The following FOXN3 variants were observed in gnomAD, a reference collection of about 807,000 sequenced individuals.
FOXN3 encodes forkhead box protein N3.
A neutral mutation model predicts 38.4 loss-of-function variants in FOXN3; 7 were observed. That is an observed-to-expected ratio of 0.18 (90% CI 0.10 to 0.34). The LOEUF (loss-of-function observed/expected upper bound fraction) is 0.34. FOXN3 is among the 10% of genes least tolerant of loss of function. FOXN3 has a pLI of 1.00. For missense variants in FOXN3, 456 were observed against 613.4 expected (o/e 0.74, Z 2.71); for synonymous variants, 230 against 242.2 (o/e 0.95, Z 0.47).
chr14:89,401,588 G>A, intron 2 of FOXN3: 1 of 456,020 alleles, frequency 2.2e-6, no homozygotes, highest in Non-Finnish European at 4.4e-6. Flanking sequence ...CAGGCTCCCT[G>A]TACCTTGATT....
At chr14:89,337,909 C>T (rs1888511491) in intron 3 of FOXN3, among the ~76,000 whole-genome samples, 1 of 152,140 alleles carries the variant, frequency 6.6e-6, no homozygotes, top group Non-Finnish European at 1.5e-5. Flanking sequence ...GGGTTACAGG[C>T]GTGAGCCACC....
At chr14:89,247,840 T>C (rs1053836424) in intron 4 of FOXN3, among the ~76,000 whole-genome samples, 11 of 152,244 alleles carry the variant, frequency 7.2e-5, no homozygotes, top group African/African-American at 2.7e-4. Context: ...CTTACAGTGA[T>C]CTGGCCTCTG....
chr14:89,214,276 C>G (rs74890373), intron 4 of FOXN3, among the ~76,000 whole-genome samples: 2,734 of 152,278 alleles, frequency 0.018, 80 homozygotes, highest in African/African-American at 0.062. Flanking sequence ...CAGCTCCACC[C>G]GATGTTGAAA....
intron 1 of FOXN3, among the ~76,000 whole-genome samples, chr14:89,602,169 G>C (rs1596329882): frequency 6.6e-6 from 1 of 152,032 alleles, no homozygotes; most frequent in Middle Eastern, 3.4e-3. Context: ...CACACCTGTG[G>C]TCCCAGCTAT....
At chr14:89,524,674 C>G in intron 1 of FOXN3, among the ~76,000 whole-genome samples, 1 of 151,928 alleles carries the variant, frequency 6.6e-6, no homozygotes, top group Middle Eastern at 3.2e-3. Context: ...TTATCAACAA[C>G]TTTATGCCAA....
At chr14:89,390,486 T>G (rs1890912851) in intron 2 of FOXN3, among the ~76,000 whole-genome samples, 1 of 141,812 alleles carries the variant, frequency 7.1e-6, no homozygotes, top group African/African-American at 2.6e-5. Flanking sequence ...TCTAAGCTGC[T>G]TTTTAAAAAA....
chr14:89,585,858 G>A (rs1232471270), intron 1 of FOXN3, among the ~76,000 whole-genome samples: 2 of 152,056 alleles, frequency 1.3e-5, no homozygotes, highest in Admixed American at 1.3e-4. Flanking sequence ...AAGAGCGTTT[G>A]GCAAAAAGAA....
chr14:89,591,725 C>T (rs775825214), intron 1 of FOXN3, among the ~76,000 whole-genome samples: 93 of 152,084 alleles, frequency 6.1e-4, no homozygotes, highest in Non-Finnish European at 1.1e-3. Flanking sequence ...AGGAGTTCAA[C>T]GCCGGCCTGG....
At chr14:89,290,229 C>G (rs1417077959) in intron 3 of FOXN3, 5 of 296,046 alleles carry the variant, frequency 1.7e-5, no homozygotes, top group Non-Finnish European at 2.7e-5. Flanking sequence ...CCATCCCATG[C>G]TGTCTTGAAC....
At chr14:89,524,324 G>A (rs1423631738) in intron 1 of FOXN3, among the ~76,000 whole-genome samples, 3 of 118,848 alleles carry the variant, frequency 2.5e-5, no homozygotes, top group South Asian at 2.8e-4. Flanking sequence ...GCAGTGAGCC[G>A]AGATCGCACC....
At chr14:89,401,395 T>G (rs1212754901) in intron 2 of FOXN3, among the ~76,000 whole-genome samples, 1 of 152,168 alleles carries the variant, frequency 6.6e-6, no homozygotes, top group Admixed American at 6.5e-5. Flanking sequence ...TGAGCTGAGA[T>G]GGCGCCATTG....
intron 3 of FOXN3, among the ~76,000 whole-genome samples, chr14:89,342,208 G>T (rs890472333): frequency 6.6e-6 from 1 of 152,178 alleles, no homozygotes; most frequent in Admixed American, 6.5e-5. Flanking sequence ...CTCAGTACCT[G>T]AGTAAAATAG....
chr14:89,289,246 A>AT (rs1383680269), intron 3 of FOXN3, among the ~76,000 whole-genome samples: 1 of 152,028 alleles, frequency 6.6e-6, no homozygotes, highest in Admixed American at 6.5e-5. Context: ...CAAGACTACA[A>AT]AATCAGAGCA....
intron 1 of FOXN3, among the ~76,000 whole-genome samples, chr14:89,474,588 T>C (rs1566668651): frequency 6.6e-6 from 1 of 152,218 alleles, no homozygotes. Context: ...AGTTCAGTGA[T>C]AAGCTAACAA....
rs1890178297 is a variant in FOXN3, at chr14:89,366,954, A to G, written c.544-16146T>C. ...CAAATTGGCACATAATTTGATCACC[A>G]TATTTCCATAACTGGAAGTTGTTCA... On this transcript the variant is annotated intron_variant, in intron 2 of 5. Coordinates refer to ENST00000557258, the MANE Select transcript of FOXN3 (RefSeq NM_005197.4). Among the ~76,000 whole-genome samples the G allele has an allele frequency of 2.0e-5, 3 of 152,208 alleles. No individual in the cohort carries two copies. In the South Asian group the frequency reaches 6.2e-4, roughly 32 times the overall value.
At chr14:89,223,789 T>G (rs1172626362) in intron 4 of FOXN3, among the ~76,000 whole-genome samples, 1 of 152,138 alleles carries the variant, frequency 6.6e-6, no homozygotes, top group Non-Finnish European at 1.5e-5. Context: ...CTTGGACAAT[T>G]TGTGTGAGCA....
At position 89,433,963 on chromosome 14, in the gene FOXN3, C is replaced by T. The variant is rs1480781271; in HGVS notation, c.-14-21473G>A. On this transcript the variant is annotated intron_variant, in intron 1 of 6. Transcript: ENST00000345097. ...TTTTGAGATGGAGTTTCACTCTTGTCGCCCAGGCTGGAGTGCAATGGCCCC... is the reference window on the plus strand; with the variant it reads ...TTTTGAGATGGAGTTTCACTCTTGTTGCCCAGGCTGGAGTGCAATGGCCCC... Among the ~76,000 whole-genome samples, 9 of 136,102 alleles carry T rather than the reference C, an allele frequency of 6.6e-5. No individual in the cohort carries two copies. In the East Asian group the frequency reaches 1.5e-3, roughly 23 times the overall value. The allele number at this position is 136,102 out of a possible 152,430, so 89.3% of individuals were successfully genotyped here.
chr14:89,388,722 G>C (rs1890857036), intron 2 of FOXN3, among the ~76,000 whole-genome samples: 1 of 151,852 alleles, frequency 6.6e-6, no homozygotes, highest in Non-Finnish European at 1.5e-5. Flanking sequence ...GCTGGACCCT[G>C]ATAAATAAGG....
upstream of FOXN3, among the ~76,000 whole-genome samples, chr14:89,418,230 C>T (rs1438207875): frequency 1.3e-5 from 2 of 151,752 alleles, no homozygotes; most frequent in African/African-American, 2.4e-5. Flanking sequence ...GGCACCCTTC[C>T]TGCCACCCCC....
Sources: gnomAD v4.1 joint callset for allele counts (sites outside exome capture counted in the v4.1 genomes callset) on GRCh38, gnomAD v4.1.1 for gene constraint, MANE v1.5 for transcripts, NCBI Gene and HGNC (gene_info 2026-07-23, HGNC 2026-07-21) for gene names.